The following SYT1 variants were observed in gnomAD, a reference collection of about 807,000 sequenced individuals.
The protein encoded by SYT1 is synaptotagmin-1.
SYT1 carries 8 observed loss-of-function variants against 44.8 expected under a neutral mutation model. The observed-to-expected ratio is 0.18, with a 90% CI of 0.10 to 0.32. The LOEUF (loss-of-function observed/expected upper bound fraction) is 0.32. Among genes scored for constraint, SYT1 ranks in the 10% least tolerant of loss-of-function variants. The pLI, the probability that SYT1 is intolerant of heterozygous loss-of-function variation, is 1.00. For synonymous variants in SYT1, 154 were observed against 188.8 expected (o/e 0.82, Z 1.51); for missense variants, 286 against 509.3 (o/e 0.56, Z 4.22).
At chr12:79,433,270 A>C (rs780095875) in intron 9 of SYT1, among the ~76,000 whole-genome samples, 1 of 152,302 alleles carries the variant, frequency 6.6e-6, no homozygotes, top group South Asian at 2.1e-4. Flanking sequence ...GCCACTGAAG[A>C]CCAGGAACCC....
chr12:79,325,828 T>C lies in SYT1; in HGVS notation c.810+26277T>C, dbSNP rs534715897. On this transcript the variant is annotated intron_variant, in intron 8 of 10. Transcript: ENST00000261205. Reference sequence around the variant, plus strand: ...AATATAAAACCTCATCACAGTGTTATTGTAGGGATTAGATGAGATGCAATA... The same window carrying C: ...AATATAAAACCTCATCACAGTGTTACTGTAGGGATTAGATGAGATGCAATA... Among the ~76,000 whole-genome samples, 247 of 152,336 alleles carry C rather than the reference T, an allele frequency of 1.6e-3. 2 individuals carry two copies. The highest frequency in any genetic ancestry group is 2.0e-3 in the Non-Finnish European group (138 of 68,028).
intron 9 of SYT1, among the ~76,000 whole-genome samples, chr12:79,430,820 G>A (rs901480007): frequency 2.0e-5 from 3 of 152,092 alleles, no homozygotes; most frequent in Non-Finnish European, 4.4e-5. Flanking sequence ...CAAAAGAGAC[G>A]CTCAGTAGGT....
intron 3 of SYT1, among the ~76,000 whole-genome samples, chr12:79,124,728 T>C (rs139663422): frequency 7.3e-4 from 111 of 152,282 alleles, no homozygotes; most frequent in African/African-American, 2.6e-3. Flanking sequence ...CATGTGGTAG[T>C]TGTGTGTATT....
rs1565825891 is a variant in SYT1, at chr12:79,145,760, TG to T, written c.-17-71742del. Among the ~76,000 whole-genome samples the T allele has an allele frequency of 2.5e-3, 362 of 147,554 alleles. 2 individuals are homozygous for T. Among genetic ancestry groups the T allele is most frequent in the African/African-American group, 8.1e-3 (303 of 37,636 alleles). The stretch of plus-strand genomic sequence containing the variant: ...TGGTTTTTTTTTTTTTTTGTTTGTT[TG>T]TTTGTTTGTTTTTTGAGACGGAGTC... On this transcript the variant is annotated intron_variant, in intron 3 of 10. Coordinates refer to ENST00000261205, the MANE Select transcript of SYT1 (RefSeq NM_005639.3).
At chr12:79,073,853 G>C (rs1034717517) in intron 3 of SYT1, among the ~76,000 whole-genome samples, 1 of 152,074 alleles carries the variant, frequency 6.6e-6, no homozygotes, top group Non-Finnish European at 1.5e-5. Context: ...GCACCTATCT[G>C]TCTTCATATA....
rs549975227 is a variant in SYT1, at chr12:78,909,726, A to G, written c.-217+44617A>G. ...ATAATATCTACTTGTTTTCTTGAAC[A>G]TTGCCATCACCAAACTAGTACTTTA... On this transcript the variant is annotated intron_variant, in intron 1 of 10. Coordinates refer to ENST00000261205, the MANE Select transcript of SYT1 (RefSeq NM_005639.3). Among the ~76,000 whole-genome samples the G allele has an allele frequency of 4.3e-4, 65 of 152,080 alleles. 1 individual carries two copies. The highest frequency in any genetic ancestry group is 1.4e-3 in the African/African-American group (59 of 41,532).
At chr12:79,444,227 G>T in intron 10 of SYT1, 21 bp downstream of exon 10, 6 of 1,611,416 alleles carry the variant, frequency 3.7e-6, no homozygotes, top group Non-Finnish European at 4.2e-6. Context: ...ACATAACTTT[G>T]TCTTCCCACT....
intron 3 of SYT1, among the ~76,000 whole-genome samples, chr12:79,049,045 TA>T (rs111602535): frequency 1.3e-5 from 2 of 152,018 alleles, no homozygotes; most frequent in African/African-American, 4.8e-5. Context: ...AGGACTGACA[TA>T]AGCTCTTTAT....
rs771321547 is a variant in SYT1 at position 79,292,127 on chromosome 12, C to T, written c.471C>T (p.Asn157=). 4 of 1,613,334 alleles carry T rather than the reference C, an allele frequency of 2.5e-6. No homozygotes were observed. The highest frequency in any genetic ancestry group is 3.4e-6 in the Non-Finnish European group (4 of 1,179,812). Residue 157 remains asparagine, a synonymous_variant, in exon 6 of 11, where the codon AAC becomes AAT. Transcript: ENST00000261205. The part of the protein sequence containing the change: ...QYSLDYDFQN[N]QLLVGIIQAA... ...CACTGGATTATGATTTCCAAAATAA[C>T]CAGGTCTGAAGTGGAGAAATGTCTT... is the stretch of plus-strand genomic sequence containing the variant.
intron 2 of SYT1, among the ~76,000 whole-genome samples, chr12:79,007,905 A>G (rs1222743235): frequency 6.6e-6 from 1 of 152,128 alleles, no homozygotes; most frequent in Admixed American, 6.6e-5. Flanking sequence ...TTCGGCATTC[A>G]ACTACAAATG....
intron 2 of SYT1, among the ~76,000 whole-genome samples, chr12:79,006,624 T>C (rs1332455310): frequency 6.6e-6 from 1 of 152,118 alleles, no homozygotes; most frequent in Non-Finnish European, 1.5e-5. Context: ...TATTTGTGTG[T>C]GTGAATTTTT....
chr12:79,197,451 G>A (rs1252372885), intron 3 of SYT1, among the ~76,000 whole-genome samples: 1 of 152,138 alleles, frequency 6.6e-6, no homozygotes, highest in African/African-American at 2.4e-5. Context: ...GTCTCATGCA[G>A]AGCAATGTGA....
chr12:79,019,741 A>G (rs1362667542), intron 2 of SYT1, among the ~76,000 whole-genome samples: 1 of 151,976 alleles, frequency 6.6e-6, no homozygotes, highest in African/African-American at 2.4e-5. Flanking sequence ...GAGAAACATA[A>G]AACTGCTGAT....
At chr12:78,962,002 G>A (rs114321822) in intron 1 of SYT1, among the ~76,000 whole-genome samples, 2,068 of 152,100 alleles carry the variant, frequency 0.014, 55 homozygotes, top group African/African-American at 0.048. Flanking sequence ...GTATTGAGAC[G>A]AATGTATCGG....
At chr12:78,931,240 AAGGAAGGAAGGAAGG>A (rs1877670750) in intron 1 of SYT1, among the ~76,000 whole-genome samples, 1 of 30,020 alleles carries the variant, frequency 3.3e-5, no homozygotes. Flanking sequence ...AGAAAGAAAG[AAGGAAGGAAGGAAGG>A]AAGGAAGGAA....
intron 1 of SYT1, among the ~76,000 whole-genome samples, chr12:78,926,048 A>G (rs1424503146): frequency 6.6e-6 from 1 of 152,088 alleles, no homozygotes; most frequent in Non-Finnish European, 1.5e-5. Context: ...TATCAGGGTC[A>G]GAACTCATTT....
At chr12:79,006,886 C>T (rs1871126717) in intron 2 of SYT1, among the ~76,000 whole-genome samples, 1 of 152,076 alleles carries the variant, frequency 6.6e-6, no homozygotes, top group Non-Finnish European at 1.5e-5. Flanking sequence ...AGATGTCTTG[C>T]ATTGATTATT....
chr12:79,148,296 A>G (rs1363318360), intron 3 of SYT1, among the ~76,000 whole-genome samples: 2 of 152,158 alleles, frequency 1.3e-5, no homozygotes, highest in African/African-American at 4.8e-5. Flanking sequence ...AACTTTTATG[A>G]AACCCTGGAG....
At chr12:78,981,396 G>T (rs929048107) in intron 2 of SYT1, among the ~76,000 whole-genome samples, 2 of 152,144 alleles carry the variant, frequency 1.3e-5, no homozygotes, top group Admixed American at 6.6e-5. Flanking sequence ...AAAGTTCTGA[G>T]ATTACAGGTG....
Sources: gnomAD v4.1 joint callset for allele counts (sites outside exome capture counted in the v4.1 genomes callset) on GRCh38, gnomAD v4.1.1 for gene constraint, MANE v1.5 for transcripts, NCBI Gene and HGNC (gene_info 2026-07-23, HGNC 2026-07-21) for gene names.